MRPS25: variants seen among roughly 807,000 people sequenced by gnomAD.
The protein encoded by MRPS25 is mitochondrial ribosomal protein S25, also known as small ribosomal subunit protein mS25.
Under a neutral mutation model 17.3 loss-of-function variants are expected in MRPS25, and 15 were observed. That is an observed-to-expected ratio of 0.87 (90% CI 0.58 to 1.34). The LOEUF (loss-of-function observed/expected upper bound fraction) is 1.34. Among genes scored for constraint, MRPS25 ranks in the 40% most tolerant of loss-of-function variants. The pLI, the probability that MRPS25 is intolerant of heterozygous loss-of-function variation, is 0.00. For missense variants in MRPS25, 225 were observed against 218.6 expected, an observed-to-expected ratio of 1.03 and a Z score of -0.19; for synonymous variants, 94 against 83.3, an observed-to-expected ratio of 1.13 and a Z score of -0.70.
chr3:15,065,046 G>A lies in MRPS25; in HGVS notation c.134+15C>T. ...GCAGGTTACGGCTCGCCAGGCGGCC[G>A]GGGCTGCGACTGACCTGGCGCCCTC... On this transcript the variant is annotated intron_variant, in intron 1 of 3. Transcript: ENST00000253686. 2 of 1,563,910 alleles carry A rather than the reference G, an allele frequency of 1.3e-6. No individual in the cohort carries two copies.
At chr3:15,059,919 G>C (rs1215635345) in intron 1 of MRPS25, among the ~76,000 whole-genome samples, 2 of 151,586 alleles carry the variant, frequency 1.3e-5, no homozygotes, top group Non-Finnish European at 2.9e-5. Context: ...ATTGAGGAGT[G>C]GAGGAACACC....
chr3:15,062,693 C>T (rs1377198254), intron 1 of MRPS25, among the ~76,000 whole-genome samples: 1 of 152,160 alleles, frequency 6.6e-6, no homozygotes, highest in African/African-American at 2.4e-5. Context: ...AAGAGGTAGA[C>T]ATGGGAGACT....
In MRPS25 at chr3:15,052,625, A is replaced by G. The variant is rs2042619723; in HGVS notation, c.338T>C (p.Leu113Pro). 6.2e-7 allele frequency: 1 copy of G among 1,613,700 alleles called. No individual in the cohort carries two copies. Among genetic ancestry groups the G allele is most frequent in the Admixed American group, 1.7e-5 (1 of 60,020 alleles). Residue 113 changes from leucine to proline, a missense_variant, in exon 4 of 4, where the codon CTC (leucine) becomes CCC (proline). By Grantham distance (98) the Leu-to-Pro change is moderately conservative. Coordinates refer to ENST00000253686, the MANE Select transcript of MRPS25 (RefSeq NM_022497.5). ...RKILGKNEET[L>P]REEEEEKKQL... The stretch of plus-strand genomic sequence containing the variant: ...CTTTTTCTCCTCCTCCTCTTCCCTG[A>G]GGGTTTCCCTGCCAAAGAGCACAGA...
downstream of MRPS25, chr3:15,042,638 T>TCA: frequency 1.8e-6 from 1 of 552,590 alleles, no homozygotes; most frequent in Non-Finnish European, 3.2e-6. Flanking sequence ...TGTACATACA[T>TCA]TTTGTACTCA....
downstream of MRPS25, chr3:15,043,901 T>C (rs1449960896): frequency 6.6e-6 from 1 of 152,232 alleles, no homozygotes; most frequent in Non-Finnish European, 1.5e-5. Context: ...CATCCCCAAG[T>C]CACATCCGCC....
chr3:15,048,451 CAG>C (rs1352859428), downstream of MRPS25: 1 of 152,496 alleles, frequency 6.6e-6, no homozygotes, highest in African/African-American at 2.4e-5. Context: ...AGAAAAATGT[CAG>C]ATATTTTTAA....
downstream of MRPS25, chr3:15,042,316 G>GA (rs1226465931): frequency 2.6e-5 from 4 of 152,246 alleles, no homozygotes; most frequent in Admixed American, 2.0e-4. Flanking sequence ...CAAAAAATAA[G>GA]AAAAAATCAC....
chr3:15,043,134 CCTT>C (rs1313751878), downstream of MRPS25: 1 of 850,428 alleles, frequency 1.2e-6, no homozygotes, highest in Middle Eastern at 2.7e-4. Context: ...TCTGGTTTCT[CCTT>C]ATCTGTTAAT....
intron 2 of MRPS25, among the ~76,000 whole-genome samples, chr3:15,057,122 G>A (rs2042683139): frequency 6.6e-6 from 1 of 152,212 alleles, no homozygotes; most frequent in South Asian, 2.1e-4. Context: ...CCGCTGAGCT[G>A]ACAGCCCTGT....
intron 1 of MRPS25, among the ~76,000 whole-genome samples, chr3:15,061,735 G>C (rs578045192): frequency 6.6e-6 from 1 of 151,396 alleles, no homozygotes; most frequent in African/African-American, 2.4e-5. Context: ...AGTGAGGAGC[G>C]TCTCTGCCCG....
downstream of MRPS25, chr3:15,042,775 T>C: frequency 2.0e-6 from 3 of 1,534,030 alleles, no homozygotes; most frequent in Non-Finnish European, 2.7e-6. Context: ...GAGCCTTTGC[T>C]GAGCTGTGGT....
chr3:15,056,718 GTTCCAGCCCATGCTGGAC>G (rs2042677949), intron 2 of MRPS25, among the ~76,000 whole-genome samples: 1 of 152,256 alleles, frequency 6.6e-6, no homozygotes, highest in Non-Finnish European at 1.5e-5. Context: ...GCTGACACTG[GTTCCAGCCCATGCTGGAC>G]TTCTAACCCA....
downstream of MRPS25, chr3:15,048,377 A>C (rs2042530249): frequency 6.6e-6 from 1 of 152,654 alleles, no homozygotes; most frequent in Non-Finnish European, 1.5e-5. Flanking sequence ...CTTTGGGGCT[A>C]TTTAGCTTAA....
chr3:15,042,835 T>C (rs749863880), downstream of MRPS25: 2 of 1,613,486 alleles, frequency 1.2e-6, no homozygotes, highest in African/African-American at 2.7e-5. Flanking sequence ...CTTTTATAGA[T>C]TGGCCCGGAT....
intron 1 of MRPS25, among the ~76,000 whole-genome samples, chr3:15,064,735 C>T (rs1165001644): frequency 6.6e-6 from 1 of 152,272 alleles, no homozygotes; most frequent in African/African-American, 2.4e-5. Context: ...CTGCCCCTCC[C>T]CAGCGCTTGC....
At chr3:15,042,849 C>G (rs767718660), downstream of MRPS25, 2 of 1,613,998 alleles carry the variant, frequency 1.2e-6, no homozygotes, top group Non-Finnish European at 1.7e-6. Flanking sequence ...CCCGGATCCT[C>G]GTTCGCCTGC....
At chr3:15,045,222 A>G (rs1265517507), downstream of MRPS25, 2 of 152,140 alleles carry the variant, frequency 1.3e-5, no homozygotes, top group South Asian at 2.1e-4. Context: ...GAGAGTGACC[A>G]TGAGGGCCAT....
At chr3:15,060,375 T>C (rs1165257603) in intron 1 of MRPS25, among the ~76,000 whole-genome samples, 1 of 151,968 alleles carries the variant, frequency 6.6e-6, no homozygotes, top group Non-Finnish European at 1.5e-5. Context: ...TAGCTGGGCA[T>C]AGTGGTACAT....
chr3:15,049,992 A>G lies in MRPS25; in HGVS notation c.*2449T>C. The G allele has an allele frequency of 6.8e-7, 1 of 1,471,810 alleles. No individual in the cohort carries two copies. The highest frequency in any genetic ancestry group is 2.7e-5 in the East Asian group (1 of 37,218). The allele number at this position is 1,471,810 out of a possible 1,614,324, so 91.2% of individuals were successfully genotyped here. A position where few individuals can be genotyped will look rare whatever the true frequency, so the allele number is the denominator to read the frequency against. On this transcript the variant is annotated 3_prime_UTR_variant, in exon 4 of 4. Transcript: ENST00000253686. Reference sequence around the variant, plus strand: ...TAAGGCTGTGAACACTGCTTGTGCAAGTAAAATTAAGAACATGTTATCAAT... The same window carrying G: ...TAAGGCTGTGAACACTGCTTGTGCAGGTAAAATTAAGAACATGTTATCAAT...
Sources: allele counts gnomAD v4.1 joint callset (sites outside exome capture counted in the v4.1 genomes callset), GRCh38; gene constraint gnomAD v4.1.1; transcripts MANE v1.5; gene names NCBI Gene and HGNC (gene_info 2026-07-23, HGNC 2026-07-21).